The following TRIM77 variants were observed in gnomAD, a reference collection of about 807,000 sequenced individuals.
The protein encoded by TRIM77 is tripartite motif containing 77, also known as tripartite motif-containing protein 77.
TRIM77 carries 23 observed loss-of-function variants against 31.8 expected under a neutral mutation model. The observed-to-expected ratio is 0.72, with a 90% CI of 0.52 to 1.02. The LOEUF (loss-of-function observed/expected upper bound fraction) is 1.02. Among genes scored for constraint, TRIM77 ranks in the 50% least tolerant of loss-of-function variants. The pLI is 0.00. For missense variants in TRIM77, 446 were observed against 539.2 expected, an observed-to-expected ratio of 0.83 and a Z score of 1.71; for synonymous variants, 159 against 183.1, an observed-to-expected ratio of 0.87 and a Z score of 1.06.
chr11:89,715,139 A>G lies in TRIM77; in HGVS notation c.739-19A>G. On this transcript the variant is annotated intron_variant, in intron 3 of 5. Coordinates refer to ENST00000398290, the MANE Select transcript of TRIM77 (RefSeq NM_001146162.1). ...ACCATGTTGTGCTGCAAACTAAGCA[A>G]TCCTCTCTCTCTTTATAGGATTTGG... The G allele has an allele frequency of 6.4e-7, 1 of 1,551,016 alleles. No homozygotes were observed. The highest frequency in any genetic ancestry group is 2.4e-5 in the East Asian group (1 of 40,896).
intron 1 of TRIM77, 64 bp downstream of exon 1, chr11:89,710,773 G>A: frequency 1.6e-6 from 2 of 1,237,030 alleles, no homozygotes; most frequent in Non-Finnish European, 1.1e-6. Context: ...AGGTAATACG[G>A]AAAGATATAC....
rs1389969317 is a variant in TRIM77 at position 89,715,158 on chromosome 11, G to A, written c.739G>A (p.Asp247Asn). 4 of 1,551,400 alleles carry A rather than the reference G, an allele frequency of 2.6e-6. No individual in the cohort carries two copies. Among genetic ancestry groups the A allele is most frequent in the East Asian group, 2.4e-5 (1 of 40,910 alleles). The change falls in exon 4 of 6, where the codon GAT becomes AAT. Residue 247 changes from aspartate (D) to asparagine (N), a missense_variant and splice_region_variant. Physicochemically the swap from Asp to Asn is conservative, Grantham distance 23. Coordinates refer to ENST00000398290, the MANE Select transcript of TRIM77 (RefSeq NM_001146162.1). The part of the protein sequence containing the change: ...SCKADVNLPQ[D>N]LGDVMKRNEF... ...TAAGCAATCCTCTCTCTCTTTATAG[G>A]ATTTGGGAGACGTAATGAAAAGGTA...
intron 4 of TRIM77, 132 bp downstream of exon 4, chr11:89,715,312 C>CTA (rs1565426304): frequency 1.3e-6 from 1 of 799,138 alleles, no homozygotes; most frequent in Non-Finnish European, 2.0e-6. Context: ...GTCATCCAGG[C>CTA]TTTATATATT....
At chr11:89,714,728 A>T (rs188929816) in intron 3 of TRIM77, among the ~76,000 whole-genome samples, 3 of 152,340 alleles carry the variant, frequency 2.0e-5, no homozygotes, top group African/African-American at 7.2e-5. Flanking sequence ...TCATGAATAC[A>T]TGATTCAGTT....
chr11:89,716,386 GT>G (rs755424220), intron 5 of TRIM77, among the ~76,000 whole-genome samples: 4 of 152,100 alleles, frequency 2.6e-5, no homozygotes, highest in Admixed American at 6.6e-5. Context: ...TTATTCGAAT[GT>G]TTACCTAAAG....
intron 2 of TRIM77, among the ~76,000 whole-genome samples, chr11:89,713,596 C>A (rs1949139534): frequency 6.6e-6 from 1 of 151,054 alleles, no homozygotes; most frequent in Admixed American, 6.6e-5. Flanking sequence ...AAGAATGAGA[C>A]AGAGAAATGG....
At chr11:89,712,010 C>T (rs1174366400) in intron 2 of TRIM77, among the ~76,000 whole-genome samples, 1 of 152,100 alleles carries the variant, frequency 6.6e-6, no homozygotes, top group East Asian at 1.9e-4. Flanking sequence ...GAAAAAGAGT[C>T]AGGCAGTGGT....
chr11:89,712,743 G>A (rs1949130819), intron 2 of TRIM77, among the ~76,000 whole-genome samples: 1 of 152,138 alleles, frequency 6.6e-6, no homozygotes, highest in East Asian at 1.9e-4. Flanking sequence ...TTGGTAAGTT[G>A]TAATGTTTGG....
rs765522946 is a variant in TRIM77 at position 89,710,587 on chromosome 11, C to T, written c.289C>T (p.Gln97Ter). 1.3e-6 allele frequency: 2 copies of T among 1,551,602 alleles called. No homozygotes were observed. Among genetic ancestry groups the T allele is most frequent in the South Asian group, 1.2e-5 (1 of 84,050 alleles). Reference sequence around the variant, plus strand: ...TGCCATGCTGATCTGTAGGAGACACCAGGAAATCAAGAACCTCATCTGTGA... The same window carrying T: ...TGCCATGCTGATCTGTAGGAGACACTAGGAAATCAAGAACCTCATCTGTGA... ...SSAMLICRRH[Q>*]EIKNLICETD... The change falls in exon 1 of 6, where the codon CAG becomes TAG. Residue 97 changes from glutamine to a stop codon, truncating the protein, a stop_gained. Transcript: ENST00000398290. LOFTEE classifies it high-confidence loss of function.
At chr11:89,715,400 T>C (rs1949153943) in intron 4 of TRIM77, among the ~76,000 whole-genome samples, 1 of 152,226 alleles carries the variant, frequency 6.6e-6, no homozygotes, top group African/African-American at 2.4e-5. Flanking sequence ...ATAAGGCAAC[T>C]ATTTTTCCTG....
intron 1 of TRIM77, 27 bp downstream of exon 1, chr11:89,710,736 T>G: frequency 6.8e-7 from 1 of 1,479,056 alleles, no homozygotes; most frequent in Non-Finnish European, 9.0e-7. Flanking sequence ...GATTGCACTT[T>G]GAAATGTGAA....
Position 89,717,378 on chromosome 11 carries a change from G to A in TRIM77, c.860-1G>A, listed in dbSNP as rs139833461. On this transcript the variant is annotated splice_acceptor_variant, in intron 5 of 5. Coordinates refer to ENST00000398290, the MANE Select transcript of TRIM77 (RefSeq NM_001146162.1). LOFTEE classifies it high-confidence loss of function. ...GCATTCACTGTTTTCTTTTGCCATA[G>A]TGTATATCACCTTGGATCGTAAGAT... 11 of 1,539,526 alleles carry A rather than the reference G, an allele frequency of 7.1e-6. No individual in the cohort carries two copies. The East Asian group carries it at 2.5e-4, about 34-fold the overall frequency.
Position 89,717,609 on chromosome 11 carries a change from A to G in TRIM77, c.1090A>G (p.Lys364Glu). ...AGGACTTTGCAGAGAAGCCTGGACA[A>G]AGAGGAATGACATGCGACTTGACTC... The part of the protein sequence containing the change: ...VIGLCREAWT[K>E]RNDMRLDSEG... The change falls in exon 6 of 6, where the codon AAG becomes GAG. Residue 364 changes from lysine to glutamate, a missense_variant. Around this residue, in one of 3 missense-constraint regions of TRIM77, gnomAD observed 366 missense variants for 447.9 expected, o/e 0.82. Coordinates refer to ENST00000398290, the MANE Select transcript of TRIM77 (RefSeq NM_001146162.1). 1 of 1,551,426 alleles carries G rather than the reference A, an allele frequency of 6.4e-7. No homozygotes were observed. The highest frequency in any genetic ancestry group is 8.7e-7 in the Non-Finnish European group (1 of 1,146,822).
intron 5 of TRIM77, among the ~76,000 whole-genome samples, chr11:89,716,229 A>T (rs867355256): frequency 4.3e-4 from 65 of 152,030 alleles, no homozygotes; most frequent in African/African-American, 1.4e-3. Flanking sequence ...TAAGTGATTA[A>T]AAAAAAACAC....
intron 3 of TRIM77, 110 bp from the exon 4 acceptor site, chr11:89,715,048 G>A: frequency 6.9e-6 from 7 of 1,009,332 alleles, no homozygotes; most frequent in South Asian, 4.3e-5. Context: ...GAAGGAAAGT[G>A]GAAGACGTTA....
rs543256710 is a variant in TRIM77, at chr11:89,717,377, A to G, written c.860-2A>G. 8 of 1,529,274 alleles carry G rather than the reference A, an allele frequency of 5.2e-6. No individual in the cohort carries two copies. In the African/African-American group the frequency reaches 6.9e-5, roughly 13 times the overall value. The allele number at this position is 1,529,274 out of a possible 1,614,324, so 94.7% of individuals were successfully genotyped here. A position where few individuals can be genotyped will look rare whatever the true frequency, so the allele number is the denominator to read the frequency against. On this transcript the variant is annotated splice_acceptor_variant, in intron 5 of 5. Coordinates refer to ENST00000398290, the MANE Select transcript of TRIM77 (RefSeq NM_001146162.1). LOFTEE classifies it high-confidence loss of function. ...TGCATTCACTGTTTTCTTTTGCCAT[A>G]GTGTATATCACCTTGGATCGTAAGA... is the stretch of plus-strand genomic sequence containing the variant.
In TRIM77 at chr11:89,717,709, C is replaced by T. The variant is rs1181291292; in HGVS notation, c.1190C>T (p.Pro397Leu). Residue 397 changes from proline to leucine, a missense_variant, in exon 6 of 6, where the codon CCT (proline) becomes CTT (leucine). Coordinates refer to ENST00000398290, the MANE Select transcript of TRIM77 (RefSeq NM_001146162.1). ...FSLFSTSPLL[P>L]HYIPRPQGWL... Reference sequence around the variant, plus strand: ...CTCTTCTCTACCTCCCCACTGTTACCTCACTATATTCCAAGGCCCCAAGGC... The same window carrying T: ...CTCTTCTCTACCTCCCCACTGTTACTTCACTATATTCCAAGGCCCCAAGGC... 1 of 1,551,286 alleles carries T rather than the reference C, an allele frequency of 6.4e-7. No individual in the cohort carries two copies. Among genetic ancestry groups the T allele is most frequent in the Non-Finnish European group, 8.7e-7 (1 of 1,146,718 alleles).
intron 1 of TRIM77, 62 bp downstream of exon 1, chr11:89,710,771 C>T (rs10830356): frequency 3.9e-5 from 50 of 1,279,932 alleles, no homozygotes; most frequent in Admixed American, 2.8e-4. Context: ...ACAGGTAATA[C>T]GGAAAGATAT....
intron 5 of TRIM77, 81 bp downstream of exon 5, chr11:89,716,068 C>T: frequency 2.7e-6 from 2 of 745,798 alleles, no homozygotes; most frequent in Admixed American, 3.0e-5. Flanking sequence ...TCTATATTCA[C>T]TTCTCTGTCT....
Sources: gnomAD v4.1 joint callset for allele counts (sites outside exome capture counted in the v4.1 genomes callset) on GRCh38, gnomAD v4.1.1 for gene constraint, gnomAD v4.1.1 regional missense constraint, MANE v1.5 for transcripts, NCBI Gene and HGNC (gene_info 2026-07-23, HGNC 2026-07-21) for gene names.